Variants in MAN1A1 observed in about 807,000 individuals in gnomAD.
The protein encoded by MAN1A1 is mannosidase alpha class 1A member 1, also known as mannosyl-oligosaccharide 1,2-alpha-mannosidase IA.
A neutral mutation model predicts 70.8 loss-of-function variants in MAN1A1; 29 were observed. The ratio of observed to expected loss-of-function variants is 0.41; its 90% CI spans 0.31 to 0.56. MAN1A1 has a LOEUF of 0.56. Among genes scored for constraint, MAN1A1 ranks in the 20% least tolerant of loss-of-function variants. MAN1A1 has a pLI of 0.29. For synonymous variants in MAN1A1, 349 were observed against 330.1 expected, an observed-to-expected ratio of 1.06 and a Z score of -0.62; for missense variants, 747 against 841.3, an observed-to-expected ratio of 0.89 and a Z score of 1.39.
chr6:119,345,244 A>C (rs1773697588), intron 2 of MAN1A1, among the ~76,000 whole-genome samples: 1 of 152,218 alleles, frequency 6.6e-6, no homozygotes, highest in Non-Finnish European at 1.5e-5. Context: ...CTGATTAAAA[A>C]AAAAAGTAAA....
chr6:119,256,832 G>T (rs1472136886), intron 5 of MAN1A1, among the ~76,000 whole-genome samples: 1 of 152,108 alleles, frequency 6.6e-6, no homozygotes, highest in Non-Finnish European at 1.5e-5. Flanking sequence ...GACTTAATAA[G>T]CATTTACTAC....
At chr6:119,245,229 T>C (rs1775139779) in intron 6 of MAN1A1, among the ~76,000 whole-genome samples, 1 of 152,112 alleles carries the variant, frequency 6.6e-6, no homozygotes, top group Admixed American at 6.6e-5. Context: ...CCTTTTTTCT[T>C]CTCCTGGGCA....
intron 4 of MAN1A1, 129 bp from the exon 5 acceptor site, chr6:119,290,892 G>A: frequency 3.4e-6 from 2 of 594,288 alleles, no homozygotes; most frequent in East Asian, 2.9e-5. Context: ...ATATACAGGG[G>A]GAAATGTTCT....
intron 4 of MAN1A1, among the ~76,000 whole-genome samples, chr6:119,296,313 C>A (rs2114429359): frequency 6.6e-6 from 1 of 152,302 alleles, no homozygotes; most frequent in Non-Finnish European, 1.5e-5. Flanking sequence ...GGCTCTCAAG[C>A]AGCAGTCCTA....
intron 2 of MAN1A1, among the ~76,000 whole-genome samples, chr6:119,330,094 T>C (rs1773268782): frequency 6.6e-6 from 1 of 152,236 alleles, no homozygotes; most frequent in African/African-American, 2.4e-5. Flanking sequence ...TTCCTTGGGC[T>C]TCTAAGCCCT....
At position 119,282,955 on chromosome 6, in the gene MAN1A1, C is replaced by T. The variant is rs62418849; in HGVS notation, c.897+7728G>A. 5.4e-3 allele frequency among the ~76,000 whole-genome samples: 822 copies of T among 152,194 alleles called. 3 individuals are homozygous for T. The highest frequency in any genetic ancestry group is 7.0e-3 in the Non-Finnish European group (473 of 67,994). On this transcript the variant is annotated intron_variant, in intron 5 of 12. Transcript: ENST00000368468. ...TTCTTAGGTTTATAATTTCAGAATG[C>T]TCTATGTTAAATCTATTTTAAAGGT...
chr6:119,225,051 C>T (rs1054967063), intron 6 of MAN1A1, among the ~76,000 whole-genome samples: 16 of 151,728 alleles, frequency 1.1e-4, no homozygotes, highest in Non-Finnish European at 2.1e-4. Flanking sequence ...TGCTTGAACC[C>T]GGGAGGCAGA....
chr6:119,253,266 A>G (rs750758072), intron 5 of MAN1A1, among the ~76,000 whole-genome samples: 4 of 152,160 alleles, frequency 2.6e-5, no homozygotes, highest in Non-Finnish European at 5.9e-5. Context: ...GGTGAGATAC[A>G]CTACAGCTTT....
chr6:119,270,267 T>A (rs1775883306), intron 5 of MAN1A1, among the ~76,000 whole-genome samples: 1 of 152,234 alleles, frequency 6.6e-6, no homozygotes. Context: ...TGTTTCTAGG[T>A]CTTTTCAGGG....
At position 119,349,270 on chromosome 6, in the gene MAN1A1, G is replaced by C. The variant is rs929055735; in HGVS notation, c.-205C>G. 5 of 1,213,384 alleles carry C rather than the reference G, an allele frequency of 4.1e-6. No individual in the cohort carries two copies. The highest frequency in any genetic ancestry group is 1.6e-5 in the African/African-American group (1 of 63,502). 75.2% of individuals were successfully genotyped at this position (1,213,384 alleles called of 1,614,324 possible). A position where few individuals can be genotyped will look rare whatever the true frequency, so the allele number is the denominator to read the frequency against. The stretch of plus-strand genomic sequence containing the variant: ...CTCGGGCACACAGGCACGCGCGACA[G>C]ACCGCTGGCTGCAGCCCCTGCGGGG... On this transcript the variant is annotated 5_prime_UTR_variant, in exon 2 of 13. Coordinates refer to ENST00000368468, the MANE Select transcript of MAN1A1 (RefSeq NM_005907.4).
intron 2 of MAN1A1, among the ~76,000 whole-genome samples, chr6:119,345,292 A>C (rs1390546771): frequency 1.3e-5 from 2 of 152,166 alleles, no homozygotes; most frequent in African/African-American, 4.8e-5. Flanking sequence ...TGCTATTTTA[A>C]CTTTTGTGCT....
At chr6:119,204,472 T>A (rs978918790) in intron 7 of MAN1A1, among the ~76,000 whole-genome samples, 9 of 152,342 alleles carry the variant, frequency 5.9e-5, no homozygotes, top group African/African-American at 2.2e-4. Flanking sequence ...TATTACTAAA[T>A]ATTTTTAGAT....
At chr6:119,202,919 G>T (rs1004399227) in intron 7 of MAN1A1, among the ~76,000 whole-genome samples, 1 of 152,148 alleles carries the variant, frequency 6.6e-6, no homozygotes, top group African/African-American at 2.4e-5. Context: ...ATTTGGAGAT[G>T]GTAATTAGGT....
At position 119,293,243 on chromosome 6, in the gene MAN1A1, T is replaced by C. The variant is rs779062365; in HGVS notation, c.817-2480A>G. ...GAGTCATGTCAAACACTGCCAGAAA[T>C]ATATCTTCAGCTAGACATCAATCAA... On this transcript the variant is annotated intron_variant, in intron 4 of 12. Coordinates refer to ENST00000368468, the MANE Select transcript of MAN1A1 (RefSeq NM_005907.4). Among the ~76,000 whole-genome samples, 64 of 152,244 alleles carry C rather than the reference T, an allele frequency of 4.2e-4. 1 individual carries two copies. Among genetic ancestry groups the C allele is most frequent in the Middle Eastern group, 3.4e-3 (1 of 294 alleles).
chr6:119,205,714 G>A (rs1467515700), intron 6 of MAN1A1, among the ~76,000 whole-genome samples: 1 of 152,202 alleles, frequency 6.6e-6, no homozygotes, highest in Non-Finnish European at 1.5e-5. Context: ...AACACTTCAA[G>A]AAAGATGTGG....
At chr6:119,284,145 T>C (rs751680736) in intron 5 of MAN1A1, among the ~76,000 whole-genome samples, 5 of 152,198 alleles carry the variant, frequency 3.3e-5, no homozygotes, top group Non-Finnish European at 7.3e-5. Context: ...ATCTCAGGCA[T>C]ATCTCGAGGC....
chr6:119,338,069 T>TAA (rs61463278), intron 2 of MAN1A1, among the ~76,000 whole-genome samples: 45,731 of 139,532 alleles, frequency 0.33, 7,757 homozygotes, highest in Non-Finnish European at 0.37. Context: ...GCTAGTTGAC[T>TAA]AAAAAAAAAA....
chr6:119,312,474 A>G (rs142724037), intron 2 of MAN1A1, among the ~76,000 whole-genome samples: 10 of 152,278 alleles, frequency 6.6e-5, no homozygotes, highest in African/African-American at 2.4e-4. Flanking sequence ...CCAAACCTTC[A>G]CTTATCCATT....
intron 5 of MAN1A1, among the ~76,000 whole-genome samples, chr6:119,260,976 G>GCTTTTTTTTTTGTTTTTTT (rs1554209499): frequency 8.6e-6 from 1 of 116,942 alleles, no homozygotes; most frequent in African/African-American, 3.4e-5. Flanking sequence ...TTTTTTTATT[G>GCTTTTTTTTTTGTTTTTTT]TTTTTTTTTT....
Sources: allele counts gnomAD v4.1 joint callset (sites outside exome capture counted in the v4.1 genomes callset), GRCh38; gene constraint gnomAD v4.1.1; transcripts MANE v1.5; gene names NCBI Gene and HGNC (gene_info 2026-07-23, HGNC 2026-07-21).